HS3ST5: variants seen among roughly 807,000 people sequenced by gnomAD.
The protein encoded by HS3ST5 is heparan sulfate-glucosamine 3-sulfotransferase 5, also known as heparan sulfate glucosamine 3-O-sulfotransferase 5.
In HS3ST5, 10 loss-of-function variants were observed where a neutral mutation model predicts 25.4. The ratio of observed to expected loss-of-function variants is 0.39; its 90% CI spans 0.24 to 0.67. The LOEUF (loss-of-function observed/expected upper bound fraction) is 0.67. Ranked by LOEUF, HS3ST5 falls within the 30% of genes least tolerant of loss-of-function variation. The pLI is 0.44. For missense variants in HS3ST5, 324 were observed against 420.7 expected (o/e 0.77, Z 2.01); for synonymous variants, 170 against 162.4 (o/e 1.05, Z -0.36).
At chr6:114,072,725 A>C (rs1240755171) in intron 3 of HS3ST5, among the ~76,000 whole-genome samples, 2 of 152,182 alleles carry the variant, frequency 1.3e-5, no homozygotes, top group Non-Finnish European at 2.9e-5. Flanking sequence ...GCCCAAGGTG[A>C]TTTATAGATT....
At chr6:114,121,017 A>G (rs1035967682) in intron 3 of HS3ST5, among the ~76,000 whole-genome samples, 8 of 152,246 alleles carry the variant, frequency 5.3e-5, no homozygotes, top group Non-Finnish European at 1.0e-4. Context: ...TGGAAGAATA[A>G]TTGCACCTTT....
chr6:114,183,226 G>A (rs1037581002), intron 2 of HS3ST5, among the ~76,000 whole-genome samples: 3 of 152,198 alleles, frequency 2.0e-5, no homozygotes, highest in Middle Eastern at 3.4e-3. Context: ...GTTGTGAAAG[G>A]GACACAGTGG....
chr6:114,318,455 ACTGT>A (rs537819225), intron 1 of HS3ST5, among the ~76,000 whole-genome samples: 20 of 152,122 alleles, frequency 1.3e-4, no homozygotes, highest in Non-Finnish European at 2.2e-4. Flanking sequence ...TTTTTTAATA[ACTGT>A]CTGACAACAA....
At chr6:114,108,773 T>C (rs759649674) in intron 3 of HS3ST5, among the ~76,000 whole-genome samples, 7 of 152,232 alleles carry the variant, frequency 4.6e-5, no homozygotes, top group Admixed American at 2.0e-4. Context: ...ATCTTGACTG[T>C]AGTGACAGGT....
chr6:114,274,301 G>C (rs879938342), intron 1 of HS3ST5, among the ~76,000 whole-genome samples: 1 of 152,084 alleles, frequency 6.6e-6, no homozygotes, highest in Non-Finnish European at 1.5e-5. Context: ...TTTGAGAAGA[G>C]AGGCTGATGA....
At chr6:114,200,923 G>C (rs1376064805) in intron 2 of HS3ST5, among the ~76,000 whole-genome samples, 2 of 152,106 alleles carry the variant, frequency 1.3e-5, no homozygotes, top group African/African-American at 4.8e-5. Context: ...GTACTATTTT[G>C]TACATATAAG....
In HS3ST5 at chr6:114,287,833, A is replaced by G. The variant is rs181390475; in HGVS notation, c.-339+54362T>C. ...CCAATGCTGGCTATTTTAGCAGAAG[A>G]CATAAAATCCCCCATAAAGTGCCTA... On this transcript the variant is annotated intron_variant, in intron 1 of 4. Transcript: ENST00000312719. Among the ~76,000 whole-genome samples the G allele has an allele frequency of 1.9e-4, 29 of 152,162 alleles. No homozygotes were observed. In the East Asian group the frequency reaches 1.9e-3, roughly 10 times the overall value.
chr6:114,206,891 A>C (rs1468919451), intron 2 of HS3ST5, among the ~76,000 whole-genome samples: 1 of 152,206 alleles, frequency 6.6e-6, no homozygotes, highest in Admixed American at 6.5e-5. Context: ...AAGTTTGAGA[A>C]GGTTGTGGCA....
intron 1 of HS3ST5, among the ~76,000 whole-genome samples, chr6:114,293,090 G>A (rs1283283224): frequency 1.3e-5 from 2 of 152,120 alleles, no homozygotes; most frequent in African/African-American, 2.4e-5. Flanking sequence ...AGCTCCACAA[G>A]TCCACAGGAG....
chr6:114,183,853 G>A (rs1780077735), intron 2 of HS3ST5, among the ~76,000 whole-genome samples: 1 of 152,082 alleles, frequency 6.6e-6, no homozygotes, highest in South Asian at 2.1e-4. Flanking sequence ...AGTAAAAATG[G>A]CCATTCTGAT....
intron 3 of HS3ST5, among the ~76,000 whole-genome samples, chr6:114,146,246 T>G (rs1243463677): frequency 6.6e-6 from 1 of 152,220 alleles, no homozygotes; most frequent in African/African-American, 2.4e-5. Flanking sequence ...AATAGAAATC[T>G]GCGAGCACTG....
intron 1 of HS3ST5, among the ~76,000 whole-genome samples, chr6:114,269,693 A>G (rs1405474105): frequency 3.3e-5 from 5 of 152,200 alleles, no homozygotes; most frequent in African/African-American, 1.2e-4. Flanking sequence ...CCATTTGGCT[A>G]TGTGTGCTGT....
At chr6:114,341,222 G>GGAGAGAGAGAGAGAGAGAGAGAGGGAGA (rs1776842370) in intron 1 of HS3ST5, among the ~76,000 whole-genome samples, 1 of 46,600 alleles carries the variant, frequency 2.1e-5, no homozygotes, top group Admixed American at 2.6e-4. Context: ...GGAGAGAGGG[G>GGAGAGAGAGAGAGAGAGAGAGAGGGAGA]GAGAGAGAGA....
At chr6:114,113,934 T>A (rs1014376893) in intron 3 of HS3ST5, among the ~76,000 whole-genome samples, 1 of 152,140 alleles carries the variant, frequency 6.6e-6, no homozygotes, top group African/African-American at 2.4e-5. Flanking sequence ...GCTGGCCAGC[T>A]GCAGTACCTA....
rs553405608 is a variant in HS3ST5 at position 114,098,463 on chromosome 6, T to C, written c.-32-35586A>G. ...ATATTGTCTATATTTTCAGACTTTA[T>C]GGCCACTCTCAAATTATTTTTCCTC... On this transcript the variant is annotated intron_variant, in intron 3 of 4. Transcript: ENST00000312719. Among the ~76,000 whole-genome samples, 66 of 149,430 alleles carry C rather than the reference T, an allele frequency of 4.4e-4. 1 individual carries two copies. The South Asian group carries it at 0.013, about 30-fold the overall frequency.
At chr6:114,301,959 G>A (rs1179597696) in intron 1 of HS3ST5, among the ~76,000 whole-genome samples, 3 of 152,160 alleles carry the variant, frequency 2.0e-5, no homozygotes, top group East Asian at 1.9e-4. Flanking sequence ...AAACTGTAAC[G>A]TGTATTTATT....
Position 114,201,486 on chromosome 6 carries a change from T to C in HS3ST5, c.-145+27099A>G, listed in dbSNP as rs183385762. Among the ~76,000 whole-genome samples the C allele has an allele frequency of 2.0e-5, 3 of 152,272 alleles. No homozygotes were observed. The East Asian group carries it at 5.8e-4, about 30-fold the overall frequency. On this transcript the variant is annotated intron_variant, in intron 2 of 4. Transcript: ENST00000312719. ...TAGAAGGGCAGTCAAACTGTTCTTTTAATAGTTCTCTCTCTGACCTCATCC... is the reference window on the plus strand; with the variant it reads ...TAGAAGGGCAGTCAAACTGTTCTTTCAATAGTTCTCTCTCTGACCTCATCC...
At chr6:114,161,145 A>G (rs1187622037) in intron 3 of HS3ST5, among the ~76,000 whole-genome samples, 3 of 151,928 alleles carry the variant, frequency 2.0e-5, no homozygotes, top group African/African-American at 7.3e-5. Flanking sequence ...TAAATTACCA[A>G]ACCCAACTCC....
rs1775270174 is a variant in HS3ST5, at chr6:114,305,965, C to T, written c.-339+36230G>A. Among the ~76,000 whole-genome samples the T allele has an allele frequency of 2.6e-5, 4 of 151,978 alleles. No individual in the cohort carries two copies. The South Asian group carries it at 6.2e-4, about 24-fold the overall frequency. On this transcript the variant is annotated intron_variant, in intron 1 of 4. Transcript: ENST00000312719. Reference sequence around the variant, plus strand: ...GACTACATAATGTTGAACTGAGAGACCAACTGGTTGGCATCTTGAATTAAC... The same window carrying T: ...GACTACATAATGTTGAACTGAGAGATCAACTGGTTGGCATCTTGAATTAAC...
Sources: allele counts gnomAD v4.1 joint callset (sites outside exome capture counted in the v4.1 genomes callset), GRCh38; gene constraint gnomAD v4.1.1; transcripts MANE v1.5; gene names NCBI Gene and HGNC (gene_info 2026-07-23, HGNC 2026-07-21).